Variants in COL19A1 observed in about 807,000 individuals in gnomAD.
COL19A1 encodes the protein collagen type XIX alpha 1 chain, also known as collagen alpha-1(XIX) chain.
Under a neutral mutation model 190.2 loss-of-function variants are expected in COL19A1, and 159 were observed. That is an observed-to-expected ratio of 0.84 (90% CI 0.73 to 0.95). COL19A1 has a LOEUF of 0.95. COL19A1 is among the 40% of genes least tolerant of loss of function. The probability of loss-of-function intolerance (pLI) is 0.00; values close to 1 mark genes in which losing one functional copy is unlikely to be tolerated. For synonymous variants in COL19A1, 509 were observed against 458.9 expected (o/e 1.11, Z -1.39); for missense variants, 1,418 against 1,431.9 (o/e 0.99, Z 0.16).
intron 12 of COL19A1, among the ~76,000 whole-genome samples, chr6:70,034,040 A>T (rs1779213130): frequency 6.6e-6 from 1 of 152,094 alleles, no homozygotes; most frequent in Non-Finnish European, 1.5e-5. Context: ...AGTATTGAGG[A>T]CTCGCGCTGA....
At chr6:69,994,060 G>T (rs1483655326) in intron 11 of COL19A1, among the ~76,000 whole-genome samples, 1 of 151,628 alleles carries the variant, frequency 6.6e-6, no homozygotes. Flanking sequence ...GTTAATTTGA[G>T]ATTTTTCTAG....
At chr6:70,203,792 A>G (rs958869121) in intron 49 of COL19A1, among the ~76,000 whole-genome samples, 16 of 152,108 alleles carry the variant, frequency 1.1e-4, no homozygotes, top group East Asian at 1.9e-4. Flanking sequence ...GATGCTTTCA[A>G]TTAGGACACT....
rs370961858 is a variant in COL19A1 at position 70,153,697 on chromosome 6, G to T, written c.2079+2259G>T. Among the ~76,000 whole-genome samples, 31 of 152,206 alleles carry T rather than the reference G, an allele frequency of 2.0e-4. 1 individual carries two copies. The South Asian group carries it at 5.8e-3, about 29-fold the overall frequency. ...TTGAGATGCCATGTTTGTGTCTGCA[G>T]ATAATTATCTTTTTCATACTTTTTG... On this transcript the variant is annotated intron_variant, in intron 31 of 50. Transcript: ENST00000620364.
At chr6:69,963,562 T>A (rs1404602157) in intron 11 of COL19A1, among the ~76,000 whole-genome samples, 1 of 152,092 alleles carries the variant, frequency 6.6e-6, no homozygotes, top group Non-Finnish European at 1.5e-5. Flanking sequence ...CATCCCACTA[T>A]CCTCTAGCCC....
chr6:69,989,685 A>C (rs1224863918), intron 11 of COL19A1, among the ~76,000 whole-genome samples: 1 of 151,846 alleles, frequency 6.6e-6, no homozygotes, highest in Non-Finnish European at 1.5e-5. Context: ...ATCCTACCTA[A>C]AACATGGAAA....
At chr6:69,963,025 A>C (rs1774892518) in intron 11 of COL19A1, among the ~76,000 whole-genome samples, 155 bp downstream of exon 11, 1 of 152,204 alleles carries the variant, frequency 6.6e-6, no homozygotes, top group Non-Finnish European at 1.5e-5. Context: ...AGGTAGAATA[A>C]ATATATTAAT....
chr6:70,024,734 C>A (rs1357755638), intron 12 of COL19A1, among the ~76,000 whole-genome samples: 1 of 152,126 alleles, frequency 6.6e-6, no homozygotes, highest in Admixed American at 6.5e-5. Context: ...ATTCTTATTT[C>A]TCTCCCTTTG....
intron 12 of COL19A1, among the ~76,000 whole-genome samples, chr6:70,031,164 C>T (rs1206606667): frequency 1.3e-5 from 2 of 152,116 alleles, no homozygotes; most frequent in East Asian, 1.9e-4. Flanking sequence ...GCTCATGACA[C>T]TCCTTTTATC....
intron 49 of COL19A1, among the ~76,000 whole-genome samples, chr6:70,206,177 T>G (rs1445791537): frequency 6.6e-6 from 1 of 152,250 alleles, no homozygotes; most frequent in African/African-American, 2.4e-5. Context: ...TGTTCTCATT[T>G]TAAGCAAGAC....
intron 2 of COL19A1, chr6:69,890,853 G>C (rs1769298437): frequency 1.3e-5 from 2 of 155,302 alleles, no homozygotes; most frequent in Admixed American, 6.4e-5. Flanking sequence ...CCTCCCACCT[G>C]GCTGACTCAT....
chr6:70,188,591 G>T (rs1321273804), intron 47 of COL19A1, among the ~76,000 whole-genome samples: 1 of 152,086 alleles, frequency 6.6e-6, no homozygotes, highest in Non-Finnish European at 1.5e-5. Flanking sequence ...TAACATACAG[G>T]TACTGTCTCT....
At chr6:70,110,534 C>T (rs191757036) in intron 16 of COL19A1, among the ~76,000 whole-genome samples, 126 of 152,266 alleles carry the variant, frequency 8.3e-4, no homozygotes, top group Non-Finnish European at 5.9e-4. Context: ...TGCCACTTGT[C>T]CCTCATGGGG....
At chr6:70,084,804 G>C (rs1012546065) in intron 15 of COL19A1, among the ~76,000 whole-genome samples, 1 of 152,158 alleles carries the variant, frequency 6.6e-6, no homozygotes, top group Non-Finnish European at 1.5e-5. Flanking sequence ...TTATGCCTCT[G>C]ATGTATATCT....
At chr6:70,060,511 C>T (rs1176204784) in intron 14 of COL19A1, among the ~76,000 whole-genome samples, 1 of 152,082 alleles carries the variant, frequency 6.6e-6, no homozygotes, top group Non-Finnish European at 1.5e-5. Context: ...CCATTGCTCA[C>T]GTTACTGCCT....
chr6:69,886,072 G>A (rs1768909237), intron 2 of COL19A1, among the ~76,000 whole-genome samples: 1 of 152,088 alleles, frequency 6.6e-6, no homozygotes, highest in African/African-American at 2.4e-5. Context: ...AAAAATAATT[G>A]CAAACTACTT....
At chr6:70,017,145 C>G (rs1778157619) in intron 11 of COL19A1, among the ~76,000 whole-genome samples, 1 of 152,034 alleles carries the variant, frequency 6.6e-6, no homozygotes. Context: ...ATAAATGATA[C>G]TACTCAAAAA....
At chr6:70,016,392 A>C (rs1778102382) in intron 11 of COL19A1, among the ~76,000 whole-genome samples, 1 of 119,868 alleles carries the variant, frequency 8.3e-6, no homozygotes, top group Non-Finnish European at 1.7e-5. Flanking sequence ...AAACACATGA[A>C]AAAAAAAAAA....
In COL19A1 at chr6:69,989,553, C is replaced by CTTTT. The variant is rs3072698; in HGVS notation, c.1026+26696_1026+26699dup. ...AAACTAACATAATGAGAGTTTTTTA[C>CTTTT]TTTTTTTTTTTTTTTTGCTCATCAG... On this transcript the variant is annotated intron_variant, in intron 11 of 50. Coordinates refer to ENST00000620364, the MANE Select transcript of COL19A1 (RefSeq NM_001858.6). Among the ~76,000 whole-genome samples the CTTTT allele has an allele frequency of 9.3e-4, 118 of 126,316 alleles. 6 individuals carry two copies. Among genetic ancestry groups the CTTTT allele is most frequent in the African/African-American group, 3.0e-3 (95 of 31,186 alleles). The allele number at this position is 126,316 out of a possible 152,430, so 82.9% of individuals were successfully genotyped here.
At chr6:70,150,171 T>TC (rs1786959367) in intron 30 of COL19A1, 126 bp downstream of exon 30, 1 of 982,136 alleles carries the variant, frequency 1.0e-6, no homozygotes, top group African/African-American at 1.6e-5. Flanking sequence ...ATTTTGTTTA[T>TC]CCCCATTATT....
Sources: allele counts gnomAD v4.1 joint callset (sites outside exome capture counted in the v4.1 genomes callset), GRCh38; gene constraint gnomAD v4.1.1; transcripts MANE v1.5; gene names NCBI Gene and HGNC (gene_info 2026-07-23, HGNC 2026-07-21).